The following SLC18A2 variants were observed in gnomAD, a reference collection of about 807,000 sequenced individuals.
The protein encoded by SLC18A2 is solute carrier family 18 member A2.
In SLC18A2, 33 loss-of-function variants were observed where a neutral mutation model predicts 59.2. The observed-to-expected ratio is 0.56, with a 90% CI of 0.42 to 0.75. The LOEUF is 0.75. Ranked by LOEUF, SLC18A2 falls within the 30% of genes least tolerant of loss-of-function variation. The pLI is 0.00. For missense variants in SLC18A2, 569 were observed against 668.6 expected (o/e 0.85, Z 1.64); for synonymous variants, 228 against 253.5 (o/e 0.90, Z 0.95).
Position 117,270,708 on chromosome 10 carries a change from G to T in SLC18A2, c.1440+245G>T, listed in dbSNP as rs1406447511. On this transcript the variant is annotated intron_variant, in intron 15 of 15. Coordinates refer to ENST00000644641, the MANE Select transcript of SLC18A2 (RefSeq NM_003054.6). ...TTGTACATAGATTAGCATCAGTGTT[G>T]CTCTTTTGTCGACCAAGTATAAACC... 2.6e-5 allele frequency among the ~76,000 whole-genome samples: 4 copies of T among 152,150 alleles called. No individual in the cohort carries two copies. The East Asian group carries it at 7.7e-4, about 29-fold the overall frequency.
intron 13 of SLC18A2, among the ~76,000 whole-genome samples, chr10:117,268,918 T>C (rs914380646): frequency 2.7e-5 from 4 of 147,874 alleles, no homozygotes; most frequent in African/African-American, 9.9e-5. Flanking sequence ...GTGTGTGAAC[T>C]AAAAGAAGCT....
At chr10:117,255,784 G>T in intron 9 of SLC18A2, 127 bp downstream of exon 9, 1 of 794,034 alleles carries the variant, frequency 1.3e-6, no homozygotes, top group Non-Finnish European at 2.0e-6. Flanking sequence ...TAAAAAAACA[G>T]AAAAGGCAAA....
Position 117,249,971 on chromosome 10 carries a change from A to AG in SLC18A2, c.465-3422dup, listed in dbSNP as rs1354721087. On this transcript the variant is annotated intron_variant, in intron 3 of 15. Coordinates refer to ENST00000644641, the MANE Select transcript of SLC18A2 (RefSeq NM_003054.6). ...ATTGAGAAGGCCCTGAATTGAGACAAGGGGGGCAACTCAGACACAGATTGT... is the reference window on the plus strand; with the variant it reads ...ATTGAGAAGGCCCTGAATTGAGACAAGGGGGGGCAACTCAGACACAGATTGT... Among the ~76,000 whole-genome samples the AG allele has an allele frequency of 4.6e-5, 7 of 152,256 alleles. No homozygotes were observed. In the East Asian group the frequency reaches 1.2e-3, roughly 25 times the overall value.
At chr10:117,261,550 C>T (rs753912582) in intron 10 of SLC18A2, among the ~76,000 whole-genome samples, 66 of 152,192 alleles carry the variant, frequency 4.3e-4, no homozygotes, top group Non-Finnish European at 8.4e-4. Context: ...TTCAATGTCC[C>T]CAACCCTTCT....
intron 10 of SLC18A2, among the ~76,000 whole-genome samples, chr10:117,259,433 G>A (rs1844267690): frequency 6.6e-6 from 1 of 152,096 alleles, no homozygotes; most frequent in African/African-American, 2.4e-5. Context: ...CATCTTCTGT[G>A]CCTCTCTTCT....
At chr10:117,268,858 ATGTATGTGTGTGTTGTGTGTATGAGTG>A (rs1304132834) in intron 13 of SLC18A2, among the ~76,000 whole-genome samples, 46 of 152,092 alleles carry the variant, frequency 3.0e-4, no homozygotes, top group Admixed American at 9.8e-4. Context: ...ATGTGTATCC[ATGTATGTGTGTGTTGTGTGTATGAGTG>A]TGTATGTGTG....
intron 12 of SLC18A2, chr10:117,267,406 C>G: frequency 2.3e-6 from 1 of 439,780 alleles, no homozygotes; most frequent in South Asian, 4.6e-5. Flanking sequence ...CCTACTTGTT[C>G]TTGTCAAAAC....
chr10:117,271,707 C>T (rs1431789409), intron 15 of SLC18A2, among the ~76,000 whole-genome samples: 3 of 152,212 alleles, frequency 2.0e-5, no homozygotes, highest in Admixed American at 1.3e-4. Context: ...AACCACATCA[C>T]CTTCTCAGAC....
intron 10 of SLC18A2, among the ~76,000 whole-genome samples, chr10:117,265,958 C>T (rs915632656): frequency 6.6e-5 from 10 of 151,988 alleles, no homozygotes; most frequent in South Asian, 2.1e-4. Flanking sequence ...GGCGTGGTGG[C>T]GCATGCCTGT....
rs1844395952 is a variant in SLC18A2, at chr10:117,269,320, TA to T, written c.1187-750del. Among the ~76,000 whole-genome samples the T allele has an allele frequency of 9.8e-6, 1 of 101,530 alleles. No individual in the cohort carries two copies. Among genetic ancestry groups the T allele is most frequent in the South Asian group, 3.9e-4 (1 of 2,556 alleles). 66.6% of individuals were successfully genotyped at this position (101,530 alleles called of 152,430 possible). On this transcript the variant is annotated intron_variant, in intron 13 of 15. Coordinates refer to ENST00000644641, the MANE Select transcript of SLC18A2 (RefSeq NM_003054.6). This position sits in a 1 kb window ranked among gnomAD's most constrained non-coding sequence, Gnocchi z 5.1. ...ACACATACATACACAGATACATATA[TA>T]CATATACATAATACACATACACACA...
At chr10:117,263,430 A>G (rs979545728) in intron 10 of SLC18A2, among the ~76,000 whole-genome samples, 33 of 152,208 alleles carry the variant, frequency 2.2e-4, no homozygotes, top group African/African-American at 8.0e-4. Flanking sequence ...ATTTGAAGTC[A>G]GGGCAAACAA....
rs363266 is a variant in SLC18A2 at position 117,266,890 on chromosome 10, T to C, written c.1070+79T>C. On this transcript the variant is annotated intron_variant, in intron 11 of 15. Transcript: ENST00000644641. ...AAAAATTCTAAGTTGTTTCTGCCTT[T>C]GCTGTTACAAGTAATTGTTTTGATT... 1 allele frequency: 1,549,249 copies of C among 1,552,696 alleles called. 772,952 individuals carry two copies. The highest frequency in any genetic ancestry group is 1 in the South Asian group (87,726 of 87,728).
chr10:117,254,413 A>G lies in SLC18A2; in HGVS notation c.616A>G (p.Met206Val), dbSNP rs755134504. ...SSCSSVAGMGMLASVYTDDEE... is the reference protein window; with the variant it reads ...SSCSSVAGMGVLASVYTDDEE... ...TTTCTTTCCCTGTGTAGGGATGGGCATGCTTGCCAGTGTCTACACAGATGA... is the reference window on the plus strand; with the variant it reads ...TTTCTTTCCCTGTGTAGGGATGGGCGTGCTTGCCAGTGTCTACACAGATGA... Residue 206 changes from methionine to valine, a missense_variant, in exon 6 of 16, where the codon ATG becomes GTG. Transcript: ENST00000644641. The G allele has an allele frequency of 5.0e-6, 8 of 1,590,886 alleles. No individual in the cohort carries two copies. The highest frequency in any genetic ancestry group is 1.1e-5 in the South Asian group (1 of 87,992).
In SLC18A2 at chr10:117,269,279, A is replaced by G. The variant is rs1275896933; in HGVS notation, c.1187-792A>G. Among the ~76,000 whole-genome samples the G allele has an allele frequency of 2.6e-5, 4 of 152,288 alleles. No homozygotes were observed. The East Asian group carries it at 7.7e-4, about 29-fold the overall frequency. On this transcript the variant is annotated intron_variant, in intron 13 of 15. Coordinates refer to ENST00000644641, the MANE Select transcript of SLC18A2 (RefSeq NM_003054.6). This position sits in a 1 kb window ranked among gnomAD's most constrained non-coding sequence, Gnocchi z 5.1. Reference sequence around the variant, plus strand: ...CACAGACACATACACATGCAAACACATGTACACACATATATACACATACAT... The same window carrying G: ...CACAGACACATACACATGCAAACACGTGTACACACATATATACACATACAT...
rs895263615 is a variant in SLC18A2 at position 117,278,665 on chromosome 10, T to A, written c.*1399T>A. The stretch of plus-strand genomic sequence containing the variant: ...GATTGTGTTTGTGTTAACTTCGACA[T>A]CAAGGAGCAAAGAACTTTAGAACAG... On this transcript the variant is annotated 3_prime_UTR_variant, in exon 16 of 16. Coordinates refer to ENST00000644641, the MANE Select transcript of SLC18A2 (RefSeq NM_003054.6). 1.3e-5 allele frequency: 2 copies of A among 152,328 alleles called. No homozygotes were observed. The highest frequency in any genetic ancestry group is 3.9e-4 in the East Asian group (2 of 5,186). 9.4% of individuals were successfully genotyped at this position (152,328 alleles called of 1,614,324 possible).
At chr10:117,241,519 G>A in intron 1 of SLC18A2, 160 bp from the exon 2 acceptor site, 1 of 739,888 alleles carries the variant, frequency 1.4e-6, no homozygotes, top group Non-Finnish European at 2.0e-6. Flanking sequence ...GGGCTCTCGT[G>A]GGGACGCGCT....
At chr10:117,261,882 TCA>T (rs1458828710) in intron 10 of SLC18A2, among the ~76,000 whole-genome samples, 5 of 152,170 alleles carry the variant, frequency 3.3e-5, no homozygotes, top group Non-Finnish European at 5.9e-5. Context: ...ACACTAAACA[TCA>T]CTGAGCGATG....
At chr10:117,264,346 C>T (rs187266384) in intron 10 of SLC18A2, among the ~76,000 whole-genome samples, 8 of 152,324 alleles carry the variant, frequency 5.3e-5, no homozygotes, top group Admixed American at 2.0e-4. Flanking sequence ...GTGCGTGGCT[C>T]ATGCCTGTAA....
Position 117,244,205 on chromosome 10 carries a change from G to A in SLC18A2, c.356G>A (p.Ser119Asn), listed in dbSNP as rs1214459381. The A allele has an allele frequency of 6.2e-6, 10 of 1,614,222 alleles. No homozygotes were observed. The highest frequency in any genetic ancestry group is 8.5e-6 in the Non-Finnish European group (10 of 1,180,044). The change falls in exon 3 of 16, where the codon AGT (serine) becomes AAT (asparagine). Residue 119 changes from serine (S) to asparagine (N), a missense_variant. Ser to Asn is a conservative substitution (Grantham distance 46, BLOSUM62 1). This residue lies in a region of SLC18A2 where 377 missense variants were observed against 389.8 expected (regional missense o/e 0.97). Coordinates refer to ENST00000644641, the MANE Select transcript of SLC18A2 (RefSeq NM_003054.6). ...TCCGCTGTTCCTTCCGACTGTCCCA[G>A]TGAAGACAAAGACCTCCTGAATGAA... Reference protein sequence around the residue: ...NASAVPSDCPSEDKDLLNENV... With the variant: ...NASAVPSDCPNEDKDLLNENV...
Sources: gnomAD v4.1 joint callset for allele counts (sites outside exome capture counted in the v4.1 genomes callset) on GRCh38, gnomAD v4.1.1 for gene constraint, gnomAD v4.1.1 regional missense constraint, Gnocchi (gnomAD v3.1) non-coding constraint, MANE v1.5 for transcripts, NCBI Gene and HGNC (gene_info 2026-07-23, HGNC 2026-07-21) for gene names.